EFCAB13: variants seen among roughly 807,000 people sequenced by gnomAD.
The protein encoded by EFCAB13 is EF-hand calcium-binding domain-containing protein 13.
Under a neutral mutation model 110.2 loss-of-function variants are expected in EFCAB13, and 91 were observed. The ratio of observed to expected loss-of-function variants is 0.83; its 90% CI spans 0.70 to 0.98. The LOEUF (loss-of-function observed/expected upper bound fraction) is 0.98, where lower values mean the gene tolerates loss of function less well. Ranked by LOEUF, EFCAB13 falls within the 50% of genes least tolerant of loss-of-function variation. The pLI, the probability that EFCAB13 is intolerant of heterozygous loss-of-function variation, is 0.00. For synonymous variants in EFCAB13, 323 were observed against 369.9 expected (o/e 0.87, Z 1.45); for missense variants, 968 against 1,119.4 (o/e 0.86, Z 1.93).
Position 47,409,633 on chromosome 17 carries a change from C to G in EFCAB13, c.2234-14C>G. ...CCATTCCTCATTGTGTAATGTCTCT[C>G]TCTAAATTTGCAGATTTCAGGAAAG... is the stretch of plus-strand genomic sequence containing the variant. On this transcript the variant is annotated splice_polypyrimidine_tract_variant and intron_variant, in intron 20 of 24. Coordinates refer to ENST00000331493, the MANE Select transcript of EFCAB13 (RefSeq NM_152347.5). The G allele has an allele frequency of 6.2e-7, 1 of 1,603,668 alleles. No homozygotes were observed. Among genetic ancestry groups the G allele is most frequent in the Non-Finnish European group, 8.5e-7 (1 of 1,170,850 alleles).
intron 14 of EFCAB13, among the ~76,000 whole-genome samples, chr17:47,383,880 C>A (rs1196196752): frequency 1.3e-5 from 2 of 152,060 alleles, no homozygotes; most frequent in Non-Finnish European, 2.9e-5. Flanking sequence ...GAGTTCAAGT[C>A]CTGAAAATCC....
chr17:47,381,457 G>A lies in EFCAB13; in HGVS notation c.1582+2204G>A, dbSNP rs551984898. Among the ~76,000 whole-genome samples, 18 of 152,200 alleles carry A rather than the reference G, an allele frequency of 1.2e-4. No homozygotes were observed. In the South Asian group the frequency reaches 3.5e-3, roughly 30 times the overall value. ...CTATGTCCTGAATGGTATTGCCTAGGTTTTCTTCTAGGGTTTTTATGGTTT... is the reference window on the plus strand; with the variant it reads ...CTATGTCCTGAATGGTATTGCCTAGATTTTCTTCTAGGGTTTTTATGGTTT... On this transcript the variant is annotated intron_variant, in intron 14 of 24. Transcript: ENST00000331493.
At position 47,395,926 on chromosome 17, in the gene EFCAB13, A is replaced by G. The variant is rs1300971762; in HGVS notation, c.1894A>G (p.Asn632Asp). The change falls in exon 17 of 25, where the codon AAT (asparagine) becomes GAT (aspartate). Residue 632 changes from asparagine (N) to aspartate (D), a missense_variant. By Grantham distance (23) the Asn-to-Asp change is conservative. Transcript: ENST00000331493. ...GAATACTCTGTCTAGTTTGAATAGT[A>G]ATTTAAAAAAGGATGAATTTCTAGC... The part of the protein sequence containing the change: ...LWNTLSSLNS[N>D]LKKDEFLAAL... 1 of 1,609,538 alleles carries G rather than the reference A, an allele frequency of 6.2e-7. No individual in the cohort carries two copies. The highest frequency in any genetic ancestry group is 1.1e-5 in the South Asian group (1 of 90,384).
At chr17:47,357,447 A>T (rs1019356788) in intron 9 of EFCAB13, among the ~76,000 whole-genome samples, 1 of 152,098 alleles carries the variant, frequency 6.6e-6, no homozygotes, top group African/African-American at 2.4e-5. Flanking sequence ...ATAAATTACT[A>T]TTTTATACTC....
chr17:47,404,489 G>A, intron 19 of EFCAB13, 73 bp from the exon 20 acceptor site: 1 of 1,148,452 alleles, frequency 8.7e-7, no homozygotes, highest in Non-Finnish European at 1.3e-6. Flanking sequence ...GTCATATGCT[G>A]ATTTTGATAC....
chr17:47,353,749 T>C (rs2065465967), intron 9 of EFCAB13, among the ~76,000 whole-genome samples: 2 of 152,238 alleles, frequency 1.3e-5, no homozygotes, highest in Non-Finnish European at 2.9e-5. Flanking sequence ...GTGAACAATA[T>C]AGATATGATG....
Position 47,374,739 on chromosome 17 carries a change from A to G in EFCAB13, c.1145A>G (p.Glu382Gly), listed in dbSNP as rs1322660806. The G allele has an allele frequency of 6.2e-7, 1 of 1,614,130 alleles. No individual in the cohort carries two copies. Among genetic ancestry groups the G allele is most frequent in the Admixed American group, 1.7e-5 (1 of 60,010 alleles). ...GGCAGCAGTAATGTAGGAGTCCAAGAACCATATTCAAAGAATGGCATAAAC... is the reference window on the plus strand; with the variant it reads ...GGCAGCAGTAATGTAGGAGTCCAAGGACCATATTCAAAGAATGGCATAAAC... ...GVGSSNVGVQ[E>G]PYSKNGINFK... Residue 382 changes from glutamate to glycine, a missense_variant, in exon 12 of 25, where the codon GAA becomes GGA. Coordinates refer to ENST00000331493, the MANE Select transcript of EFCAB13 (RefSeq NM_152347.5).
intron 5 of EFCAB13, among the ~76,000 whole-genome samples, chr17:47,336,382 C>T (rs556021240): frequency 6.6e-6 from 1 of 151,880 alleles, no homozygotes; most frequent in East Asian, 1.9e-4. Flanking sequence ...AGCTGCGCCT[C>T]CTGGGTTCAA....
rs749478066 is a variant in EFCAB13, at chr17:47,374,899, T to C, written c.1305T>C (p.Ala435=). 1.9e-6 allele frequency: 3 copies of C among 1,608,704 alleles called. No homozygotes were observed. The Admixed American group carries it at 5.1e-5, about 27-fold the overall frequency. ...GTATCCCAAAACTTCAGAAGCCAGC[T>C]GTAAGAAAGCATTCCAGTCTCCAAA... The part of the protein sequence containing the change: ...ISSIPKLQKP[A]VRKHSSLQKQ... The change falls in exon 12 of 25, where the codon GCT becomes GCC. Residue 435 remains alanine, a synonymous_variant. Coordinates refer to ENST00000331493, the MANE Select transcript of EFCAB13 (RefSeq NM_152347.5).
At chr17:47,432,341 T>C (rs1905131769) in intron 24 of EFCAB13, among the ~76,000 whole-genome samples, 1 of 151,736 alleles carries the variant, frequency 6.6e-6, no homozygotes, top group Non-Finnish European at 1.5e-5. Context: ...GAGCTTGCAA[T>C]GAGGTGAGAT....
intron 21 of EFCAB13, among the ~76,000 whole-genome samples, chr17:47,411,660 G>A (rs1598756829): frequency 6.6e-6 from 1 of 152,212 alleles, no homozygotes; most frequent in Non-Finnish European, 1.5e-5. Flanking sequence ...GTAGGTCTAA[G>A]ATGATATTAT....
At chr17:47,417,526 G>A (rs1904490308) in intron 23 of EFCAB13, among the ~76,000 whole-genome samples, 1 of 152,140 alleles carries the variant, frequency 6.6e-6, no homozygotes, top group Non-Finnish European at 1.5e-5. Context: ...ATGTTTCCTT[G>A]CATTGCTTCT....
At chr17:47,396,692 A>C (rs1394089176) in intron 17 of EFCAB13, among the ~76,000 whole-genome samples, 1 of 152,228 alleles carries the variant, frequency 6.6e-6, no homozygotes, top group African/African-American at 2.4e-5. Flanking sequence ...TCTTTGTCAA[A>C]GAACTGTCTT....
At position 47,344,233 on chromosome 17, in the gene EFCAB13, G is replaced by A. The variant is rs775817590; in HGVS notation, c.375G>A (p.Pro125=). Residue 125 remains proline (P), a synonymous_variant, in exon 7 of 25, where the codon CCG becomes CCA. Coordinates refer to ENST00000331493, the MANE Select transcript of EFCAB13 (RefSeq NM_152347.5). ...TRKENSLCKL[P]NQYSVHKTSS... Reference sequence around the variant, plus strand: ...AAGAAAACTCTTTATGCAAGTTGCCGAATCAGTACAGCGTTCACAAGACTT... The same window carrying A: ...AAGAAAACTCTTTATGCAAGTTGCCAAATCAGTACAGCGTTCACAAGACTT... 26 of 1,613,054 alleles carry A rather than the reference G, an allele frequency of 1.6e-5. No homozygotes were observed. Among genetic ancestry groups the A allele is most frequent in the African/African-American group, 1.1e-4 (8 of 74,850 alleles).
intron 21 of EFCAB13, 24 bp downstream of exon 21, chr17:47,409,715 G>T: frequency 6.4e-7 from 1 of 1,554,614 alleles, no homozygotes; most frequent in South Asian, 1.1e-5. Flanking sequence ...TTGTATATGA[G>T]AAAATTTTCA....
intron 23 of EFCAB13, among the ~76,000 whole-genome samples, chr17:47,421,066 G>A (rs1904684570): frequency 6.6e-6 from 1 of 151,814 alleles, no homozygotes; most frequent in Non-Finnish European, 1.5e-5. Flanking sequence ...CCCGGGAGGT[G>A]AGGGGCGCCT....
At chr17:47,391,884 T>C (rs559843237) in intron 15 of EFCAB13, among the ~76,000 whole-genome samples, 1 of 152,288 alleles carries the variant, frequency 6.6e-6, no homozygotes, top group South Asian at 2.1e-4. Context: ...ATTTGTGGTA[T>C]TGCTGTCTGA....
At chr17:47,325,854 A>G (rs1190422002) in intron 2 of EFCAB13, among the ~76,000 whole-genome samples, 1 of 120,682 alleles carries the variant, frequency 8.3e-6, no homozygotes, top group East Asian at 2.3e-4. Flanking sequence ...TTATTTTTCT[A>G]TTTTATTATT....
At chr17:47,419,877 A>G (rs1306730561) in intron 23 of EFCAB13, among the ~76,000 whole-genome samples, 2 of 152,102 alleles carry the variant, frequency 1.3e-5, no homozygotes, top group African/African-American at 4.8e-5. Flanking sequence ...AAAAAAAACA[A>G]AGTTCACTAC....
Sources: gnomAD v4.1 joint callset for allele counts (sites outside exome capture counted in the v4.1 genomes callset) on GRCh38, gnomAD v4.1.1 for gene constraint, MANE v1.5 for transcripts, NCBI Gene and HGNC (gene_info 2026-07-23, HGNC 2026-07-21) for gene names.